The following ELMO2 variants were observed in gnomAD, a reference collection of about 807,000 sequenced individuals.
The protein encoded by ELMO2 is engulfment and cell motility protein 2.
Under a neutral mutation model 96.2 loss-of-function variants are expected in ELMO2, and 37 were observed. The observed-to-expected ratio is 0.38, with a 90% CI of 0.30 to 0.51. The LOEUF (loss-of-function observed/expected upper bound fraction) is 0.51, where lower values mean the gene tolerates loss of function less well. Among genes scored for constraint, ELMO2 ranks in the 20% least tolerant of loss-of-function variants. ELMO2 has a pLI of 0.88. For missense variants in ELMO2, 561 were observed against 912.6 expected (o/e 0.61, Z 4.96); for synonymous variants, 315 against 329.4 (o/e 0.96, Z 0.47).
chr20:46,397,387 T>A (rs558737343), intron 2 of ELMO2, among the ~76,000 whole-genome samples: 3 of 152,288 alleles, frequency 2.0e-5, no homozygotes, highest in African/African-American at 7.2e-5. Context: ...AGACAGAGAC[T>A]GGCTGGGCGT....
At position 46,386,254 on chromosome 20, in the gene ELMO2, G is replaced by A. The variant is rs150136023; in HGVS notation, c.547C>T (p.Pro183Ser). The A allele has an allele frequency of 1.7e-5, 27 of 1,614,048 alleles. No homozygotes were observed. The African/African-American group carries it at 3.2e-4, about 19-fold the overall frequency. Residue 183 changes from proline (P) to serine (S), a missense_variant, in exon 9 of 22, where the codon CCC becomes TCC. Coordinates refer to ENST00000290246, the MANE Select transcript of ELMO2 (RefSeq NM_133171.5). ...TGAAGGATTGACACGTCCACCATGGGCTGGCTCACATACCCTGCAATCTAG... is the reference window on the plus strand; with the variant it reads ...TGAAGGATTGACACGTCCACCATGGACTGGCTCACATACCCTGCAATCTAG... ...IKQIAGYVSQ[P>S]MVDVSILQRS...
intron 7 of ELMO2, 66 bp downstream of exon 7, chr20:46,388,973 C>T: frequency 6.6e-7 from 1 of 1,524,446 alleles, no homozygotes; most frequent in Non-Finnish European, 8.9e-7. Context: ...GGAAATGAGA[C>T]TAGGATGCCC....
chr20:46,397,499 G>A (rs2060265940), intron 2 of ELMO2, among the ~76,000 whole-genome samples: 1 of 152,092 alleles, frequency 6.6e-6, no homozygotes, highest in African/African-American at 2.4e-5. Context: ...GCAAAACCCC[G>A]TCTCTAGTAA....
Position 46,368,966 on chromosome 20 carries a change from C to T in ELMO2, c.1887G>A (p.Glu629=). Reference sequence around the variant, plus strand: ...GGATGGAGAAGGCCAATTCCAACACCTCCTGAAGGAGAAAGGGTTTAAATT... The same window carrying T: ...GGATGGAGAAGGCCAATTCCAACACTTCCTGAAGGAGAAAGGGTTTAAATT... ...KEKSALKQNK[E]VLELAFSILY... The change falls in exon 21 of 22, where the codon GAG becomes GAA. Residue 629 remains glutamate, a splice_region_variant and synonymous_variant. Transcript: ENST00000290246. The T allele has an allele frequency of 6.2e-7, 1 of 1,614,138 alleles. No homozygotes were observed. The highest frequency in any genetic ancestry group is 8.5e-7 in the Non-Finnish European group (1 of 1,180,018).
At chr20:46,402,448 G>A (rs1219878736) in intron 1 of ELMO2, among the ~76,000 whole-genome samples, 1 of 152,210 alleles carries the variant, frequency 6.6e-6, no homozygotes, top group African/African-American at 2.4e-5. Flanking sequence ...CAAAAAGTCA[G>A]TGTTTACAAA....
In ELMO2 at chr20:46,375,846, G is replaced by A; in HGVS notation, c.808-56C>T. 3 of 1,605,732 alleles carry A rather than the reference G, an allele frequency of 1.9e-6. No homozygotes were observed. Among genetic ancestry groups the A allele is most frequent in the South Asian group, 1.1e-5 (1 of 90,638 alleles). ...CTGAACTGATCTCTTTTAATGAAGG[G>A]CCACATCCATGCTAAGGAAAAGGAA... On this transcript the variant is annotated intron_variant, in intron 11 of 21. Transcript: ENST00000290246. This position sits in a 1 kb window ranked among gnomAD's most constrained non-coding sequence, Gnocchi z 4.6.
intron 2 of ELMO2, among the ~76,000 whole-genome samples, chr20:46,397,271 C>G (rs1387993923): frequency 1.3e-5 from 2 of 152,202 alleles, no homozygotes; most frequent in Admixed American, 6.5e-5. Flanking sequence ...CCCAGGCAGC[C>G]TCTCTGAACT....
rs145375729 is a variant in ELMO2 at position 46,374,623 on chromosome 20, G to A, written c.1083C>T (p.Ala361=). 8.7e-4 allele frequency: 1,403 copies of A among 1,614,162 alleles called. 1 individual carries two copies. Among genetic ancestry groups the A allele is most frequent in the Non-Finnish European group, 1.1e-3 (1,273 of 1,180,026 alleles). Residue 361 remains alanine, a synonymous_variant, in exon 14 of 22, where the codon GCC becomes GCT. Coordinates refer to ENST00000290246, the MANE Select transcript of ELMO2 (RefSeq NM_133171.5). ...CAGGAGGAGTCTGGGTAAAGTCCAT[G>A]GCTGGATTGATGTGGTTCTAGAGAA... ...MLGFTNHINP[A]MDFTQTPPGM...
At chr20:46,391,827 C>A (rs1372306005) in intron 6 of ELMO2, among the ~76,000 whole-genome samples, 1 of 152,202 alleles carries the variant, frequency 6.6e-6, no homozygotes, top group East Asian at 1.9e-4. Context: ...GCGGGGAGAC[C>A]TTTTGCTACA....
chr20:46,397,741 C>T (rs1187126613), intron 2 of ELMO2, among the ~76,000 whole-genome samples: 2 of 151,916 alleles, frequency 1.3e-5, no homozygotes, highest in African/African-American at 4.8e-5. Context: ...TGATAATGAC[C>T]CTGGAGAAGT....
At chr20:46,388,333 G>A (rs568958617) in intron 7 of ELMO2, among the ~76,000 whole-genome samples, 1 of 152,150 alleles carries the variant, frequency 6.6e-6, no homozygotes, top group Non-Finnish European at 1.5e-5. Flanking sequence ...TTAGTTACTC[G>A]ATTTGGCTAA....
At chr20:46,395,363 TC>T (rs1353928987) in intron 2 of ELMO2, among the ~76,000 whole-genome samples, 1 of 152,186 alleles carries the variant, frequency 6.6e-6, no homozygotes, top group East Asian at 1.9e-4. Context: ...ACTAAAGCAT[TC>T]TCTCTCCAAG....
At chr20:46,372,183 G>A (rs920237609) in intron 16 of ELMO2, among the ~76,000 whole-genome samples, 5 of 152,174 alleles carry the variant, frequency 3.3e-5, no homozygotes, top group Non-Finnish European at 5.9e-5. Context: ...ATTTCAATTG[G>A]TCAATGGTGT....
chr20:46,394,953 C>G (rs1182927637), intron 2 of ELMO2, among the ~76,000 whole-genome samples: 2 of 152,152 alleles, frequency 1.3e-5, no homozygotes, highest in Non-Finnish European at 2.9e-5. Flanking sequence ...TTTCTGCAGT[C>G]ATCCTAGGAA....
At chr20:46,406,051 A>G (rs577308497) in intron 1 of ELMO2, among the ~76,000 whole-genome samples, 1 of 152,282 alleles carries the variant, frequency 6.6e-6, no homozygotes, top group South Asian at 2.1e-4. Context: ...TGGAAAGTAC[A>G]TGCACCGGGG....
Position 46,375,588 on chromosome 20 carries a change from C to A in ELMO2, c.930+80G>T, listed in dbSNP as rs2059844232. The A allele has an allele frequency of 6.3e-7, 1 of 1,593,658 alleles. No homozygotes were observed. The highest frequency in any genetic ancestry group is 1.1e-5 in the South Asian group (1 of 89,172). Reference sequence around the variant, plus strand: ...GCAAACTACTTCTGCAGACAAAGACCAAGCACAGTGCCTGGCACATAGACT... The same window carrying A: ...GCAAACTACTTCTGCAGACAAAGACAAAGCACAGTGCCTGGCACATAGACT... On this transcript the variant is annotated intron_variant, in intron 12 of 21. Transcript: ENST00000290246. The surrounding 1 kb of genome is among the most constrained non-coding windows in gnomAD (Gnocchi z 4.6).
At chr20:46,376,493 T>C (rs2059862379) in intron 11 of ELMO2, among the ~76,000 whole-genome samples, 1 of 152,084 alleles carries the variant, frequency 6.6e-6, no homozygotes, top group African/African-American at 2.4e-5. Flanking sequence ...TCCTCCTTTG[T>C]CCCTCTGATG....
intron 20 of ELMO2, 75 bp downstream of exon 20, chr20:46,370,368 C>A: frequency 1.5e-6 from 2 of 1,348,146 alleles, no homozygotes; most frequent in Non-Finnish European, 2.1e-6. Flanking sequence ...CAAGAATGCA[C>A]CTGGAAAAAA....
intron 11 of ELMO2, among the ~76,000 whole-genome samples, chr20:46,378,482 G>A (rs537316359): frequency 4.6e-5 from 7 of 152,328 alleles, no homozygotes; most frequent in Middle Eastern, 6.8e-3. Flanking sequence ...ACATGCAGAA[G>A]AGGGTGACCA....
Sources: allele counts gnomAD v4.1 joint callset (sites outside exome capture counted in the v4.1 genomes callset), GRCh38; gene constraint gnomAD v4.1.1; non-coding constraint Gnocchi (gnomAD v3.1); transcripts MANE v1.5; gene names NCBI Gene and HGNC (gene_info 2026-07-23, HGNC 2026-07-21).